Variants in CSMD1 observed in about 807,000 individuals in gnomAD.
The protein encoded by CSMD1 is CUB and Sushi multiple domains 1.
CSMD1 carries 213 observed loss-of-function variants against 417.5 expected under a neutral mutation model. The observed-to-expected ratio is 0.51, with a 90% CI of 0.46 to 0.57. CSMD1 has a LOEUF of 0.57. Among genes scored for constraint, CSMD1 ranks in the 20% least tolerant of loss-of-function variants. The pLI is 0.00. For synonymous variants in CSMD1, 2,862 were observed against 1,736.8 expected, an observed-to-expected ratio of 1.65 and a Z score of -16.11; for missense variants, 6,923 against 4,529.7, an observed-to-expected ratio of 1.53 and a Z score of -15.17.
rs1272138169 is a variant in CSMD1 at position 4,179,437 on chromosome 8, T to A, written c.416-147338A>T. On this transcript the variant is annotated intron_variant, in intron 3 of 69. Transcript: ENST00000635120. ...TATACAAAAATCAATTCAAGATGGA[T>A]TAAAGACTTAAACGTTAGACCTAAA... 2.0e-5 allele frequency among the ~76,000 whole-genome samples: 3 copies of A among 152,054 alleles called. No individual in the cohort carries two copies. The South Asian group carries it at 6.2e-4, about 32-fold the overall frequency.
intron 3 of CSMD1, among the ~76,000 whole-genome samples, chr8:4,038,455 A>T (rs934576784): frequency 6.6e-6 from 1 of 152,192 alleles, no homozygotes; most frequent in Non-Finnish European, 1.5e-5. Context: ...AAAATATGGT[A>T]ATTTAGTGTT....
rs76704273 is a variant in CSMD1 at position 4,364,801 on chromosome 8, C to G, written c.415+55152G>C. On this transcript the variant is annotated intron_variant, in intron 3 of 69. Transcript: ENST00000635120. The stretch of plus-strand genomic sequence containing the variant: ...GATCCCGCCACTGCACTCCAGCCTG[C>G]GCGACAGAGCGAGACTCCTTCTCAA... Among the ~76,000 whole-genome samples the G allele has an allele frequency of 0.011, 140 of 12,846 alleles. 29 individuals carry two copies. The African/African-American group carries it at 0.23, about 21-fold the overall frequency. The allele number at this position is 12,846 out of a possible 152,430, so 8.4% of individuals were successfully genotyped here.
In CSMD1 at chr8:4,027,717, C is replaced by T. The variant is rs1359910193; in HGVS notation, c.610+4188G>A. ...CAACTGACATTTTAGACATGGGGGC[C>T]CATTGAACAAACTTGAAGCCAGTCT... On this transcript the variant is annotated intron_variant, in intron 4 of 69. Transcript: ENST00000635120. Among the ~76,000 whole-genome samples, 11 of 151,920 alleles carry T rather than the reference C, an allele frequency of 7.2e-5. No homozygotes were observed. The East Asian group carries it at 1.9e-3, about 27-fold the overall frequency.
At chr8:3,001,620 G>A (rs1807412164) in intron 52 of CSMD1, among the ~76,000 whole-genome samples, 2 of 152,092 alleles carry the variant, frequency 1.3e-5, no homozygotes, top group South Asian at 2.1e-4. Flanking sequence ...AAAAACAATT[G>A]CTTTAAGAGG....
chr8:3,859,517 C>T (rs1804546028), intron 5 of CSMD1, among the ~76,000 whole-genome samples: 1 of 152,174 alleles, frequency 6.6e-6, no homozygotes, highest in African/African-American at 2.4e-5. Flanking sequence ...ACAGCAGGAG[C>T]TGGCCACAGT....
In CSMD1 at chr8:4,624,263, C is replaced by T. The variant is rs991943558; in HGVS notation, c.302+13079G>A. Among the ~76,000 whole-genome samples, 7 of 152,106 alleles carry T rather than the reference C, an allele frequency of 4.6e-5. No individual in the cohort carries two copies. In the East Asian group the frequency reaches 1.4e-3, roughly 29 times the overall value. ...ACACTTCCGGTAGATCAAACCATAC[C>T]ATTGCAACACAAGCTATAGTAGGGA... On this transcript the variant is annotated intron_variant, in intron 2 of 69. Coordinates refer to ENST00000635120, the MANE Select transcript of CSMD1 (RefSeq NM_033225.6).
chr8:3,813,996 C>G (rs753171184), intron 5 of CSMD1, among the ~76,000 whole-genome samples: 3 of 152,092 alleles, frequency 2.0e-5, no homozygotes, highest in East Asian at 1.9e-4. Context: ...AAAAGGAGAA[C>G]CGTTCAACAG....
At chr8:4,993,683 C>G (rs1321986205) in intron 1 of CSMD1, among the ~76,000 whole-genome samples, 3 of 152,304 alleles carry the variant, frequency 2.0e-5, no homozygotes, top group African/African-American at 4.8e-5. Flanking sequence ...TTTCACGCAC[C>G]TTGCCAACAC....
chr8:4,927,095 T>TTATTAC (rs1015306860), intron 1 of CSMD1, among the ~76,000 whole-genome samples: 1 of 148,040 alleles, frequency 6.8e-6, no homozygotes, highest in African/African-American at 2.5e-5. Context: ...TGCATTATTA[T>TTATTAC]TATTATTATT....
chr8:3,473,362 A>C (rs1303502221), intron 11 of CSMD1, among the ~76,000 whole-genome samples: 1 of 152,212 alleles, frequency 6.6e-6, no homozygotes, highest in African/African-American at 2.4e-5. Context: ...AAGAACTGTA[A>C]TTACAGCTTA....
chr8:4,860,456 C>T (rs911684583), intron 1 of CSMD1, among the ~76,000 whole-genome samples: 2 of 151,896 alleles, frequency 1.3e-5, no homozygotes, highest in African/African-American at 2.4e-5. Context: ...TCTCTTGGCC[C>T]TGCTCTCGCC....
At chr8:4,279,887 C>T (rs949176544) in intron 3 of CSMD1, among the ~76,000 whole-genome samples, 6 of 152,108 alleles carry the variant, frequency 3.9e-5, no homozygotes, top group Admixed American at 2.0e-4. Context: ...ATGCCAACTG[C>T]GTCAAAAGCT....
chr8:3,958,328 T>C (rs942716281), intron 5 of CSMD1, among the ~76,000 whole-genome samples: 40 of 152,060 alleles, frequency 2.6e-4, no homozygotes, highest in Non-Finnish European at 5.0e-4. Flanking sequence ...CTCTTTTTTT[T>C]TTTTTTTTCC....
intron 1 of CSMD1, among the ~76,000 whole-genome samples, chr8:4,871,115 TG>T (rs1802712843): frequency 6.6e-6 from 1 of 152,096 alleles, no homozygotes; most frequent in Non-Finnish European, 1.5e-5. Flanking sequence ...TAGCTGGGGC[TG>T]GGAGATAGGT....
chr8:4,283,450 T>C (rs1339342455), intron 3 of CSMD1, among the ~76,000 whole-genome samples: 1 of 152,188 alleles, frequency 6.6e-6, no homozygotes, highest in African/African-American at 2.4e-5. Context: ...CAAATGCAAA[T>C]TATCTCTTGC....
chr8:4,235,895 C>T (rs990110923), intron 3 of CSMD1, among the ~76,000 whole-genome samples: 1 of 152,264 alleles, frequency 6.6e-6, no homozygotes, highest in South Asian at 2.1e-4. Context: ...TGACACATCC[C>T]GTAGCTGAGC....
In CSMD1 at chr8:4,003,411, A is replaced by C. The variant is rs150880298; in HGVS notation, c.611-5301T>G. Reference sequence around the variant, plus strand: ...CTGTCTCAATAAACAAACAAACAAAAAAACAAACAAATAAATAAATAAATA... The same window carrying C: ...CTGTCTCAATAAACAAACAAACAAACAAACAAACAAATAAATAAATAAATA... On this transcript the variant is annotated intron_variant, in intron 4 of 69. Coordinates refer to ENST00000635120, the MANE Select transcript of CSMD1 (RefSeq NM_033225.6). Among the ~76,000 whole-genome samples the C allele has an allele frequency of 1.8e-3, 239 of 129,800 alleles. 3 individuals are homozygous for C. The highest frequency in any genetic ancestry group is 2.7e-3 in the Admixed American group (34 of 12,688). The allele number at this position is 129,800 out of a possible 152,430, so 85.2% of individuals were successfully genotyped here.
chr8:3,751,243 C>T lies in CSMD1; in HGVS notation c.931+2687G>A, dbSNP rs918733996. ...TCTTGATACCTTCATACCTTTTGAC[C>T]GTTTTAGAATTAAATGCCAAATTTT... On this transcript the variant is annotated intron_variant, in intron 6 of 69. Transcript: ENST00000635120. 1.1e-4 allele frequency among the ~76,000 whole-genome samples: 16 copies of T among 150,774 alleles called. No homozygotes were observed. In the South Asian group the frequency reaches 3.1e-3, roughly 30 times the overall value.
chr8:4,282,965 A>G (rs1251375673), intron 3 of CSMD1, among the ~76,000 whole-genome samples: 1 of 152,122 alleles, frequency 6.6e-6, no homozygotes, highest in African/African-American at 2.4e-5. Flanking sequence ...TCAGTCTCAT[A>G]TATTCTTACT....
Sources: gnomAD v4.1 joint callset for allele counts (sites outside exome capture counted in the v4.1 genomes callset) on GRCh38, gnomAD v4.1.1 for gene constraint, MANE v1.5 for transcripts, NCBI Gene and HGNC (gene_info 2026-07-23, HGNC 2026-07-21) for gene names.